Variants in ATXN10 observed in about 807,000 individuals in gnomAD.
The protein encoded by ATXN10 is ataxin 10.
In ATXN10, 28 loss-of-function variants were observed where a neutral mutation model predicts 52.9. That is an observed-to-expected ratio of 0.53 (90% CI 0.39 to 0.73). The LOEUF is 0.73. Among genes scored for constraint, ATXN10 ranks in the 30% least tolerant of loss-of-function variants. The probability of loss-of-function intolerance (pLI) is 0.00; values close to 1 mark genes in which losing one functional copy is unlikely to be tolerated. For synonymous variants in ATXN10, 226 were observed against 221.5 expected, an observed-to-expected ratio of 1.02 and a Z score of -0.18; for missense variants, 565 against 577.0, an observed-to-expected ratio of 0.98 and a Z score of 0.21.
At chr22:45,731,500 A>G (rs966746534) in intron 7 of ATXN10, among the ~76,000 whole-genome samples, 1 of 152,188 alleles carries the variant, frequency 6.6e-6, no homozygotes, top group Non-Finnish European at 1.5e-5. Context: ...ACAATAAAAG[A>G]TGATAGAGAG....
rs1924543482 is a variant in ATXN10, at chr22:45,718,759, T to A, written c.728+266T>A. Among the ~76,000 whole-genome samples the A allele has an allele frequency of 6.6e-6, 1 of 152,204 alleles. No homozygotes were observed. Among genetic ancestry groups the A allele is most frequent in the Non-Finnish European group, 1.5e-5 (1 of 68,020 alleles). ...AACATTAAGAACAAAATATTATGCA[T>A]ATGCCTGGATTTTAGAATAGTAATT... On this transcript the variant is annotated intron_variant, in intron 6 of 11. Coordinates refer to ENST00000252934, the MANE Select transcript of ATXN10 (RefSeq NM_013236.4). This position sits in a 1 kb window ranked among gnomAD's most constrained non-coding sequence, Gnocchi z 4.4.
Position 45,701,989 on chromosome 22 carries a change from A to G in ATXN10, c.489-700A>G, listed in dbSNP as rs568732064. 1.3e-4 allele frequency among the ~76,000 whole-genome samples: 20 copies of G among 152,322 alleles called. No homozygotes were observed. In the South Asian group the frequency reaches 3.7e-3, roughly 28 times the overall value. The stretch of plus-strand genomic sequence containing the variant: ...GAGAGGTTCTTTGCCTTCACTTTTT[A>G]TGCATTTATGGGACAGATATAACCA... On this transcript the variant is annotated intron_variant, in intron 4 of 11. Coordinates refer to ENST00000252934, the MANE Select transcript of ATXN10 (RefSeq NM_013236.4). This position sits in a 1 kb window ranked among gnomAD's most constrained non-coding sequence, Gnocchi z 4.2.
chr22:45,692,025 A>G (rs948131439), intron 2 of ATXN10, among the ~76,000 whole-genome samples: 29 of 152,250 alleles, frequency 1.9e-4, no homozygotes, highest in Non-Finnish European at 5.9e-5. Flanking sequence ...CTGTAAAACT[A>G]GGTAAGCAAT....
chr22:45,723,896 G>A (rs369677854), intron 6 of ATXN10, among the ~76,000 whole-genome samples: 25 of 151,810 alleles, frequency 1.6e-4, no homozygotes, highest in African/African-American at 5.6e-4. Flanking sequence ...GACGGAGGTT[G>A]CAGTGAGATC....
At position 45,762,431 on chromosome 22, in the gene ATXN10, A is replaced by G. The variant is rs1926428376; in HGVS notation, c.1173+21893A>G. Among the ~76,000 whole-genome samples, 1 of 152,230 alleles carries G rather than the reference A, an allele frequency of 6.6e-6. No individual in the cohort carries two copies. The highest frequency in any genetic ancestry group is 2.4e-5 in the African/African-American group (1 of 41,470). ...TCAGTCAGAAGCAGACCACAGCAGC[A>G]GGATTCTTTCCACGGTGCATGTTCT... On this transcript the variant is annotated intron_variant, in intron 9 of 11. Coordinates refer to ENST00000252934, the MANE Select transcript of ATXN10 (RefSeq NM_013236.4). This position sits in a 1 kb window ranked among gnomAD's most constrained non-coding sequence, Gnocchi z 4.3.
chr22:45,764,458 G>A (rs928962303), intron 9 of ATXN10, among the ~76,000 whole-genome samples: 24 of 152,110 alleles, frequency 1.6e-4, no homozygotes, highest in African/African-American at 4.3e-4. Flanking sequence ...TCTCCCTTGC[G>A]TCTGGCTAAT....
chr22:45,735,754 A>G (rs1229301820), intron 7 of ATXN10, among the ~76,000 whole-genome samples: 2 of 146,698 alleles, frequency 1.4e-5, no homozygotes, highest in East Asian at 3.9e-4. Context: ...ACAGGAGACT[A>G]ATCTTTTTTT....
At position 45,818,007 on chromosome 22, in the gene ATXN10, A is replaced by G. The variant is rs979339517; in HGVS notation, c.1237+10985A>G. On this transcript the variant is annotated intron_variant, in intron 10 of 11. Transcript: ENST00000252934. This position sits in a 1 kb window ranked among gnomAD's most constrained non-coding sequence, Gnocchi z 4.6. ...GAGAAGCTGGAAGTTGGAGAAAGAC[A>G]TGCTGGAATGCATAAGCTTTCAGAA... 2.6e-5 allele frequency among the ~76,000 whole-genome samples: 4 copies of G among 152,354 alleles called. No homozygotes were observed. The highest frequency in any genetic ancestry group is 1.9e-4 in the East Asian group (1 of 5,188).
At chr22:45,697,687 TGG>T in intron 3 of ATXN10, among the ~76,000 whole-genome samples, 2 of 152,196 alleles carry the variant, frequency 1.3e-5, no homozygotes, top group Admixed American at 6.5e-5. Flanking sequence ...TGGAGTGCAG[TGG>T]GGCGATCTCG....
In ATXN10 at chr22:45,780,941, A is replaced by G. The variant is rs1446516815; in HGVS notation, c.1174-26018A>G. Among the ~76,000 whole-genome samples the G allele has an allele frequency of 1.3e-5, 2 of 152,170 alleles. No homozygotes were observed. Among genetic ancestry groups the G allele is most frequent in the Non-Finnish European group, 2.9e-5 (2 of 68,028 alleles). On this transcript the variant is annotated intron_variant, in intron 9 of 11. Transcript: ENST00000252934. This position sits in a 1 kb window ranked among gnomAD's most constrained non-coding sequence, Gnocchi z 4.0. ...TAGCAAGGGGCCTTGAGACTCAGAA[A>G]CGATAAGGTGGCAAGTTCCCTGGGT...
In ATXN10 at chr22:45,729,427, T is replaced by G. The variant is rs777697084; in HGVS notation, c.731T>G (p.Val244Gly). 1 of 1,614,042 alleles carries G rather than the reference T, an allele frequency of 6.2e-7. No individual in the cohort carries two copies. Among genetic ancestry groups the G allele is most frequent in the South Asian group, 1.1e-5 (1 of 91,080 alleles). The change falls in exon 7 of 12, where the codon GTT becomes GGT. Residue 244 changes from valine to glycine, a missense_variant and splice_region_variant. Coordinates refer to ENST00000252934, the MANE Select transcript of ATXN10 (RefSeq NM_013236.4). ...MFPKLNNQER[V>G]TLLDLMIAKI... Reference sequence around the variant, plus strand: ...CAGAAATCCTTTATGTTTTACAGAGTTACACTGTTAGACCTTATGATAGCC... The same window carrying G: ...CAGAAATCCTTTATGTTTTACAGAGGTACACTGTTAGACCTTATGATAGCC...
At chr22:45,792,912 A>G in intron 9 of ATXN10, 2 of 442,242 alleles carry the variant, frequency 4.5e-6, no homozygotes, top group Admixed American at 2.6e-5. Context: ...TGTTATACCT[A>G]CATAGGGAGC....
At chr22:45,830,631 G>A (rs781288784) in intron 10 of ATXN10, among the ~76,000 whole-genome samples, 12 of 151,116 alleles carry the variant, frequency 7.9e-5, no homozygotes, top group Non-Finnish European at 1.6e-4. Flanking sequence ...TGAGGAAAAT[G>A]CAAATCAAAA....
At chr22:45,698,894 C>T (rs1402070530) in intron 3 of ATXN10, among the ~76,000 whole-genome samples, 2 of 152,122 alleles carry the variant, frequency 1.3e-5, no homozygotes, top group African/African-American at 2.4e-5. Flanking sequence ...CCTAACAAAG[C>T]GCCTGTACTT....
rs1304093549 is a variant in ATXN10 at position 45,823,921 on chromosome 22, A to G, written c.1237+16899A>G. On this transcript the variant is annotated intron_variant, in intron 10 of 11. Transcript: ENST00000252934. The surrounding 1 kb of genome is among the most constrained non-coding windows in gnomAD (Gnocchi z 4.9). Reference sequence around the variant, plus strand: ...ACCTGGGAGACTCTGTGCCCTCAGCATCTTGTGACGTGCCCTTGCTGGGTC... The same window carrying G: ...ACCTGGGAGACTCTGTGCCCTCAGCGTCTTGTGACGTGCCCTTGCTGGGTC... Among the ~76,000 whole-genome samples, 1 of 152,208 alleles carries G rather than the reference A, an allele frequency of 6.6e-6. No homozygotes were observed. Among genetic ancestry groups the G allele is most frequent in the Non-Finnish European group, 1.5e-5 (1 of 68,036 alleles).
chr22:45,689,904 G>A lies in ATXN10; in HGVS notation c.308+1G>A. ...GTTCTGTGAACCAGAATTCAATCAGGTAGTTACACACGTACCTTGGATTCT... is the reference window on the plus strand; with the variant it reads ...GTTCTGTGAACCAGAATTCAATCAGATAGTTACACACGTACCTTGGATTCT... On this transcript the variant is annotated splice_donor_variant, in intron 2 of 11. Coordinates refer to ENST00000252934, the MANE Select transcript of ATXN10 (RefSeq NM_013236.4). LOFTEE classifies it high-confidence loss of function. 6.2e-7 allele frequency: 1 copy of A among 1,613,852 alleles called. No individual in the cohort carries two copies. Among genetic ancestry groups the A allele is most frequent in the Non-Finnish European group, 8.5e-7 (1 of 1,179,870 alleles).
rs1197717038 is a variant in ATXN10 at position 45,740,717 on chromosome 22, C to CACACACACAT, written c.1173+182_1173+183insCACACATACA. On this transcript the variant is annotated intron_variant, in intron 9 of 11. Transcript: ENST00000252934. The stretch of plus-strand genomic sequence containing the variant: ...ACACACACACACACACACACACACA[C>CACACACACAT]ACATATATATACACACACACACGTG... 151 of 406,630 alleles carry CACACACACAT rather than the reference C, an allele frequency of 3.7e-4. 2 individuals are homozygous for CACACACACAT. Among genetic ancestry groups the CACACACACAT allele is most frequent in the African/African-American group, 3.4e-3 (142 of 41,914 alleles). The allele number at this position is 406,630 out of a possible 1,614,324, so 25.2% of individuals were successfully genotyped here.
At chr22:45,738,955 T>C (rs1601615851) in intron 8 of ATXN10, 116 bp downstream of exon 8, 3 of 980,374 alleles carry the variant, frequency 3.1e-6, no homozygotes, top group East Asian at 5.1e-5. Flanking sequence ...ATTTTGTGAA[T>C]ATATTTTTTT....
chr22:45,794,684 A>C (rs1927645985), intron 9 of ATXN10, among the ~76,000 whole-genome samples: 1 of 152,210 alleles, frequency 6.6e-6, no homozygotes, highest in Non-Finnish European at 1.5e-5. Flanking sequence ...TCTTAAAAAT[A>C]CTAAAGGAAA....
Sources: gnomAD v4.1 joint callset for allele counts (sites outside exome capture counted in the v4.1 genomes callset) on GRCh38, gnomAD v4.1.1 for gene constraint, Gnocchi (gnomAD v3.1) non-coding constraint, MANE v1.5 for transcripts, NCBI Gene and HGNC (gene_info 2026-07-23, HGNC 2026-07-21) for gene names.